Variants in CNTNAP2 observed in about 807,000 individuals in gnomAD.
CNTNAP2 encodes the protein contactin associated protein 2.
A neutral mutation model predicts 155.2 loss-of-function variants in CNTNAP2; 98 were observed. That is an observed-to-expected ratio of 0.63 (90% confidence interval 0.54 to 0.75). The LOEUF is 0.75. Ranked by LOEUF, CNTNAP2 falls within the 30% of genes least tolerant of loss-of-function variation. The pLI is 0.00. For synonymous variants in CNTNAP2, 651 were observed against 631.2 expected (o/e 1.03, Z -0.47); for missense variants, 1,727 against 1,688.1 (o/e 1.02, Z -0.40).
chr7:147,804,408 C>T (rs1352064025), intron 13 of CNTNAP2, among the ~76,000 whole-genome samples: 1 of 152,162 alleles, frequency 6.6e-6, no homozygotes, highest in African/African-American at 2.4e-5. Flanking sequence ...GGAGAGTTTA[C>T]TCCACAATGC....
At chr7:148,145,436 A>T (rs1805160037) in intron 16 of CNTNAP2, among the ~76,000 whole-genome samples, 1 of 152,232 alleles carries the variant, frequency 6.6e-6, no homozygotes, top group Non-Finnish European at 1.5e-5. Context: ...TCATCATAGC[A>T]GTAGGAGAAT....
intron 18 of CNTNAP2, among the ~76,000 whole-genome samples, chr7:148,197,203 GA>G (rs1470122825): frequency 6.6e-6 from 1 of 151,988 alleles, no homozygotes; most frequent in African/African-American, 2.4e-5. Context: ...TGTCCCTGAC[GA>G]AAAATATGTT....
intron 21 of CNTNAP2, among the ~76,000 whole-genome samples, chr7:148,267,668 AAAAAC>A (rs1796696692): frequency 6.6e-6 from 1 of 151,494 alleles, no homozygotes; most frequent in Non-Finnish European, 1.5e-5. Context: ...AAAAAAAAAA[AAAAAC>A]AACCAAACAA....
chr7:148,161,850 C>T (rs1805550380), intron 17 of CNTNAP2, among the ~76,000 whole-genome samples: 1 of 152,206 alleles, frequency 6.6e-6, no homozygotes, highest in Non-Finnish European at 1.5e-5. Context: ...GTTTTCTCAG[C>T]CTCTCTGCCA....
intron 13 of CNTNAP2, among the ~76,000 whole-genome samples, chr7:147,705,981 A>ATT (rs113330542): frequency 6.9e-6 from 1 of 145,334 alleles, no homozygotes; most frequent in Non-Finnish European, 1.5e-5. Context: ...GAGTTGGCTC[A>ATT]TTTTTTTTTT....
intron 5 of CNTNAP2, among the ~76,000 whole-genome samples, chr7:147,112,650 C>T (rs903881847): frequency 1.3e-5 from 2 of 152,120 alleles, no homozygotes; most frequent in African/African-American, 4.8e-5. Context: ...GTCTTTAGAT[C>T]TCTTTGTGTG....
intron 13 of CNTNAP2, among the ~76,000 whole-genome samples, chr7:147,872,057 A>C: frequency 6.6e-6 from 1 of 151,998 alleles, no homozygotes; most frequent in Non-Finnish European, 1.5e-5. Context: ...AAGAGAATCT[A>C]CTCCTCCTTG....
intron 11 of CNTNAP2, among the ~76,000 whole-genome samples, chr7:147,503,723 G>A (rs1859547): frequency 0.7 from 105,779 of 151,726 alleles, 37,074 homozygotes; most frequent in African/African-American, 0.75. Context: ...TTAGTTCTGT[G>A]TAATGTCTCT....
intron 3 of CNTNAP2, among the ~76,000 whole-genome samples, chr7:147,010,849 A>G (rs1798610015): frequency 6.6e-6 from 1 of 152,128 alleles, no homozygotes; most frequent in Non-Finnish European, 1.5e-5. Flanking sequence ...TGTGATAGGG[A>G]ATGGAATATT....
chr7:147,376,254 G>C (rs903910869), intron 9 of CNTNAP2, among the ~76,000 whole-genome samples: 3 of 151,970 alleles, frequency 2.0e-5, no homozygotes, highest in African/African-American at 7.2e-5. Context: ...TGTTCAGAGA[G>C]TTTATGGCAG....
At chr7:147,747,874 G>A (rs1014040163) in intron 13 of CNTNAP2, among the ~76,000 whole-genome samples, 1 of 152,156 alleles carries the variant, frequency 6.6e-6, no homozygotes, top group African/African-American at 2.4e-5. Context: ...AGATTTCCTT[G>A]AGAGCAATTA....
At chr7:146,625,522 A>C (rs1446174181) in intron 1 of CNTNAP2, among the ~76,000 whole-genome samples, 1 of 152,044 alleles carries the variant, frequency 6.6e-6, no homozygotes, top group Non-Finnish European at 1.5e-5. Flanking sequence ...TCAAATTAAC[A>C]AACTAGTATT....
At chr7:147,165,394 G>A (rs570174926) in intron 8 of CNTNAP2, among the ~76,000 whole-genome samples, 1 of 152,042 alleles carries the variant, frequency 6.6e-6, no homozygotes. Context: ...GTAAAGTCTG[G>A]ATATTAGTCC....
At chr7:146,924,925 A>G (rs750246863) in intron 3 of CNTNAP2, among the ~76,000 whole-genome samples, 69 of 152,152 alleles carry the variant, frequency 4.5e-4, no homozygotes, top group Non-Finnish European at 8.5e-4. Context: ...GATTCCATAC[A>G]GGAATAGAAT....
intron 1 of CNTNAP2, among the ~76,000 whole-genome samples, chr7:146,482,104 G>A (rs988830118): frequency 2.0e-5 from 3 of 148,724 alleles, no homozygotes; most frequent in Non-Finnish European, 4.4e-5. Context: ...GTTAGTCAAA[G>A]CAACAGTCAC....
intron 17 of CNTNAP2, among the ~76,000 whole-genome samples, chr7:148,158,442 C>T (rs531585089): frequency 6.6e-6 from 1 of 152,128 alleles, no homozygotes; most frequent in South Asian, 2.1e-4. Flanking sequence ...AGGATGGCCT[C>T]GATCTCTCGA....
chr7:146,817,369 G>A (rs1397628721), intron 2 of CNTNAP2, among the ~76,000 whole-genome samples: 1 of 152,000 alleles, frequency 6.6e-6, no homozygotes, highest in Non-Finnish European at 1.5e-5. Flanking sequence ...CTACTCAGGA[G>A]GCTGAGGCAG....
chr7:146,489,719 C>T (rs1563104255), intron 1 of CNTNAP2, among the ~76,000 whole-genome samples: 1 of 152,044 alleles, frequency 6.6e-6, no homozygotes, highest in Non-Finnish European at 1.5e-5. Flanking sequence ...GCTGACAATT[C>T]GAAGGGTGAA....
intron 3 of CNTNAP2, among the ~76,000 whole-genome samples, chr7:146,915,402 C>G (rs1489632193): frequency 6.6e-6 from 1 of 152,084 alleles, no homozygotes. Context: ...TTGCTTTTGG[C>G]AGTATGGTCA....
Sources: allele counts gnomAD v4.1 joint callset (sites outside exome capture counted in the v4.1 genomes callset), GRCh38; gene constraint gnomAD v4.1.1; transcripts MANE v1.5; gene names NCBI Gene and HGNC (gene_info 2026-07-23, HGNC 2026-07-21).